The following ZC3H7A variants were observed in gnomAD, a reference collection of about 807,000 sequenced individuals.
The protein encoded by ZC3H7A is zinc finger CCCH domain-containing protein 7A.
Under a neutral mutation model 125.5 loss-of-function variants are expected in ZC3H7A, and 44 were observed. That is an observed-to-expected ratio of 0.35 (90% CI 0.28 to 0.45). The LOEUF (loss-of-function observed/expected upper bound fraction) is 0.45, where lower values mean the gene tolerates loss of function less well. ZC3H7A is among the 20% of genes least tolerant of loss of function. The pLI is 1.00. For missense variants in ZC3H7A, 977 were observed against 1,170.7 expected, an observed-to-expected ratio of 0.83 and a Z score of 2.41; for synonymous variants, 399 against 391.2, an observed-to-expected ratio of 1.02 and a Z score of -0.23.
chr16:11,781,572 G>A, intron 2 of ZC3H7A, 108 bp from the exon 3 acceptor site: 1 of 1,126,034 alleles, frequency 8.9e-7, no homozygotes. Flanking sequence ...ACTGGTTCAA[G>A]GCATATTTCA....
chr16:11,754,082 G>T (rs1266631983), intron 21 of ZC3H7A: 3 of 151,844 alleles, frequency 2.0e-5, no homozygotes, highest in Non-Finnish European at 4.4e-5. Context: ...CTTGAGCACA[G>T]GAGTTTCAGA....
At chr16:11,788,693 A>G (rs1379564525) in intron 1 of ZC3H7A, among the ~76,000 whole-genome samples, 1 of 149,042 alleles carries the variant, frequency 6.7e-6, no homozygotes, top group Non-Finnish European at 1.5e-5. Context: ...GGCTCAATAC[A>G]ACCTCCGCCT....
At chr16:11,754,027 A>T (rs2052593948) in intron 21 of ZC3H7A, 1 of 151,964 alleles carries the variant, frequency 6.6e-6, no homozygotes, top group Non-Finnish European at 1.5e-5. Flanking sequence ...GCAGTGGCTC[A>T]TGCCTATAAT....
rs779608509 is a variant in ZC3H7A, at chr16:11,782,269, G to C, written c.68+18C>G. ...GAATTAGGACGCGGCAAGAACACAA[G>C]AACTCTGAAGCTCTTACTGTATAAA... is the stretch of plus-strand genomic sequence containing the variant. On this transcript the variant is annotated intron_variant, in intron 2 of 22. Coordinates refer to ENST00000355758, the MANE Select transcript of ZC3H7A (RefSeq NM_014153.4). 75 of 1,613,906 alleles carry C rather than the reference G, an allele frequency of 4.6e-5. No individual in the cohort carries two copies. Among genetic ancestry groups the C allele is most frequent in the Non-Finnish European group, 5.8e-5 (69 of 1,179,934 alleles).
chr16:11,776,767 G>T lies in ZC3H7A; in HGVS notation c.449C>A (p.Ser150Tyr). 6.2e-7 allele frequency: 1 copy of T among 1,609,394 alleles called. No homozygotes were observed. The highest frequency in any genetic ancestry group is 8.5e-7 in the Non-Finnish European group (1 of 1,178,672). ...KKAYDAVAKCSLAVPQDEHVI... is the reference protein window; with the variant it reads ...KKAYDAVAKCYLAVPQDEHVI... ...ATTCCATACCTGAGGCACTGCTAAGGAGCACTTTGCTACAGCATCGTAAGC... is the reference window on the plus strand; with the variant it reads ...ATTCCATACCTGAGGCACTGCTAAGTAGCACTTTGCTACAGCATCGTAAGC... The change falls in exon 5 of 23, where the codon TCC becomes TAC. Residue 150 changes from serine to tyrosine, a missense_variant. Around this residue, in one of 3 missense-constraint regions of ZC3H7A, gnomAD observed 199 missense variants for 256.1 expected, o/e 0.78. Coordinates refer to ENST00000355758, the MANE Select transcript of ZC3H7A (RefSeq NM_014153.4).
At chr16:11,752,645 G>C in intron 22 of ZC3H7A, 24 bp downstream of exon 22, 1 of 1,589,054 alleles carries the variant, frequency 6.3e-7, no homozygotes, top group Non-Finnish European at 8.6e-7. Context: ...TTCTGACATG[G>C]AAAAATTGTA....
At chr16:11,760,595 C>T (rs2052737411) in intron 19 of ZC3H7A, among the ~76,000 whole-genome samples, 1 of 152,200 alleles carries the variant, frequency 6.6e-6, no homozygotes, top group Non-Finnish European at 1.5e-5. Context: ...GGGGACTCTA[C>T]AGTCCATCTG....
intron 3 of ZC3H7A, among the ~76,000 whole-genome samples, chr16:11,780,664 T>G (rs1170663688): frequency 6.6e-6 from 1 of 152,180 alleles, no homozygotes; most frequent in Non-Finnish European, 1.5e-5. Flanking sequence ...CTAATACTTT[T>G]TTATTCCAAA....
At chr16:11,791,755 C>T (rs563368960) in intron 1 of ZC3H7A, among the ~76,000 whole-genome samples, 9 of 152,246 alleles carry the variant, frequency 5.9e-5, no homozygotes, top group African/African-American at 2.2e-4. Flanking sequence ...TTTGGGGAAA[C>T]AAGGTGGGAA....
At chr16:11,761,220 ATATGAAAACTGC>A (rs910710695) in intron 19 of ZC3H7A, among the ~76,000 whole-genome samples, 174 bp downstream of exon 19, 4 of 152,216 alleles carry the variant, frequency 2.6e-5, no homozygotes, top group African/African-American at 9.6e-5. Flanking sequence ...ATTCCAATCA[ATATGAAAACTGC>A]TATGGAACCA....
chr16:11,788,387 T>A (rs559038460), intron 1 of ZC3H7A, among the ~76,000 whole-genome samples: 7 of 152,166 alleles, frequency 4.6e-5, no homozygotes, highest in Admixed American at 3.9e-4. Context: ...AACTCTCACG[T>A]CCATCCCCAG....
chr16:11,794,042 G>A (rs1030916626), intron 1 of ZC3H7A, among the ~76,000 whole-genome samples: 24 of 152,190 alleles, frequency 1.6e-4, no homozygotes, highest in Non-Finnish European at 3.1e-4. Context: ...CCCACGCCCT[G>A]CTAAGTGGTG....
At chr16:11,752,897 G>A (rs1335732101) in intron 21 of ZC3H7A, 65 bp from the exon 22 acceptor site, 2 of 1,560,368 alleles carry the variant, frequency 1.3e-6, no homozygotes, top group South Asian at 1.2e-5. Flanking sequence ...TCAATTCCAG[G>A]GAGCCCAGGC....
At chr16:11,781,979 C>T (rs1390623884) in intron 2 of ZC3H7A, among the ~76,000 whole-genome samples, 2 of 152,146 alleles carry the variant, frequency 1.3e-5, no homozygotes, top group East Asian at 3.9e-4. Context: ...TCTGTGCCGC[C>T]AGATGTTCAT....
chr16:11,787,560 C>G (rs1201133956), intron 1 of ZC3H7A, among the ~76,000 whole-genome samples: 1 of 152,184 alleles, frequency 6.6e-6, no homozygotes, highest in Non-Finnish European at 1.5e-5. Flanking sequence ...CTTCCGGTCT[C>G]AAGCGATCCT....
At chr16:11,792,000 C>T (rs1302608832) in intron 1 of ZC3H7A, among the ~76,000 whole-genome samples, 2 of 152,176 alleles carry the variant, frequency 1.3e-5, no homozygotes. Context: ...CAGCCTCAAC[C>T]TCCAGAGCTC....
chr16:11,768,921 G>T, intron 11 of ZC3H7A, 110 bp downstream of exon 11: 1 of 1,089,360 alleles, frequency 9.2e-7, no homozygotes, highest in Non-Finnish European at 1.3e-6. Flanking sequence ...ATTTCCTGCA[G>T]CACACACAAA....
chr16:11,785,278 G>A (rs956244434), intron 1 of ZC3H7A, among the ~76,000 whole-genome samples: 4 of 152,100 alleles, frequency 2.6e-5, no homozygotes, highest in Non-Finnish European at 5.9e-5. Context: ...GGTCGAGGTT[G>A]CAGTGAGCTA....
intron 1 of ZC3H7A, among the ~76,000 whole-genome samples, chr16:11,783,484 T>C (rs2053205734): frequency 6.6e-6 from 1 of 152,158 alleles, no homozygotes; most frequent in Non-Finnish European, 1.5e-5. Context: ...ATTCCTTGTC[T>C]TGTGATTGCA....
Sources: allele counts gnomAD v4.1 joint callset (sites outside exome capture counted in the v4.1 genomes callset), GRCh38; gene constraint gnomAD v4.1.1; regional missense constraint gnomAD v4.1.1; transcripts MANE v1.5; gene names NCBI Gene and HGNC (gene_info 2026-07-23, HGNC 2026-07-21).